The following BMERB1 variants were observed in gnomAD, a reference collection of about 807,000 sequenced individuals.
BMERB1 encodes the protein bMERB domain-containing protein 1.
BMERB1 carries 12 observed loss-of-function variants against 23.6 expected under a neutral mutation model. The observed-to-expected ratio is 0.51, with a 90% confidence interval of 0.33 to 0.82. BMERB1 has a LOEUF of 0.82. BMERB1 is among the 40% of genes least tolerant of loss of function. The pLI is 0.03. For synonymous variants in BMERB1, 122 were observed against 96.6 expected, an observed-to-expected ratio of 1.26 and a Z score of -1.54; for missense variants, 247 against 255.4, an observed-to-expected ratio of 0.97 and a Z score of 0.22.
intron 2 of BMERB1, among the ~76,000 whole-genome samples, chr16:15,544,009 A>G (rs1393034839): frequency 6.6e-6 from 1 of 152,168 alleles, no homozygotes; most frequent in African/African-American, 2.4e-5. Flanking sequence ...GAGAGAGTAC[A>G]TGTATCTGAC....
intron 4 of BMERB1, among the ~76,000 whole-genome samples, chr16:15,581,741 C>T (rs1473276445): frequency 6.6e-6 from 1 of 152,210 alleles, no homozygotes; most frequent in Non-Finnish European, 1.5e-5. Flanking sequence ...TCCCCTTTCC[C>T]TTCCCCTTAG....
intron 1 of BMERB1, among the ~76,000 whole-genome samples, chr16:15,462,892 G>A (rs1175456138): frequency 3.3e-5 from 5 of 152,104 alleles, no homozygotes; most frequent in Non-Finnish European, 7.3e-5. Flanking sequence ...TGTTGTCAAG[G>A]AAGTCCAACG....
chr16:15,479,828 C>G (rs926903883), intron 1 of BMERB1, among the ~76,000 whole-genome samples: 3 of 151,466 alleles, frequency 2.0e-5, no homozygotes, highest in African/African-American at 4.8e-5. Context: ...CACTTGTAAT[C>G]CCAGCATTTT....
intron 2 of BMERB1, among the ~76,000 whole-genome samples, chr16:15,544,869 G>C (rs1332997567): frequency 6.6e-6 from 1 of 152,178 alleles, no homozygotes; most frequent in Non-Finnish European, 1.5e-5. Flanking sequence ...CACTCTATCA[G>C]AGAATTACCT....
At chr16:15,449,786 T>G (rs954758451) in intron 1 of BMERB1, among the ~76,000 whole-genome samples, 12 of 152,088 alleles carry the variant, frequency 7.9e-5, no homozygotes, top group Admixed American at 6.6e-4. Flanking sequence ...CTTCAGGTGA[T>G]CCACCCATCT....
intron 1 of BMERB1, chr16:15,502,272 T>C: frequency 6.4e-7 from 1 of 1,550,696 alleles, no homozygotes. Flanking sequence ...AGAATAACAA[T>C]CATAGCCAGG....
At chr16:15,535,493 A>G (rs922532809) in intron 2 of BMERB1, among the ~76,000 whole-genome samples, 4 of 151,780 alleles carry the variant, frequency 2.6e-5, no homozygotes, top group African/African-American at 9.7e-5. Flanking sequence ...TAAAAATACA[A>G]AAAAAAATTA....
At chr16:15,556,891 G>A (rs1233684833) in intron 2 of BMERB1, among the ~76,000 whole-genome samples, 4 of 152,120 alleles carry the variant, frequency 2.6e-5, no homozygotes, top group Non-Finnish European at 4.4e-5. Flanking sequence ...GCCCAGACAT[G>A]ACATCTTTTT....
chr16:15,532,239 T>G (rs978142594), intron 2 of BMERB1, among the ~76,000 whole-genome samples: 2 of 150,074 alleles, frequency 1.3e-5, no homozygotes, highest in African/African-American at 2.5e-5. Flanking sequence ...TTGTTTTTTT[T>G]GTTTTTTTTT....
At chr16:15,561,900 CATA>C (rs1177686929) in intron 2 of BMERB1, among the ~76,000 whole-genome samples, 8 of 152,136 alleles carry the variant, frequency 5.3e-5, no homozygotes, top group South Asian at 2.1e-4. Context: ...CTCTAAAAAA[CATA>C]ATAATAGTAG....
intron 2 of BMERB1, among the ~76,000 whole-genome samples, chr16:15,539,268 A>T (rs1165646192): frequency 6.6e-6 from 1 of 151,872 alleles, no homozygotes; most frequent in Non-Finnish European, 1.5e-5. Flanking sequence ...TAGGGTTTGC[A>T]CTCCTATGAG....
At chr16:15,443,550 A>G (rs1364559379) in intron 1 of BMERB1, among the ~76,000 whole-genome samples, 1 of 152,094 alleles carries the variant, frequency 6.6e-6, no homozygotes, top group Non-Finnish European at 1.5e-5. Flanking sequence ...AAAAACAAAC[A>G]AACAAACAAA....
intron 2 of BMERB1, among the ~76,000 whole-genome samples, chr16:15,517,885 GTGTGTGTGTGGATC>G (rs1052256261): frequency 1.6e-5 from 2 of 124,858 alleles, no homozygotes; most frequent in African/African-American, 1.0e-4. Flanking sequence ...GTGTGTGGAT[GTGTGTGTGTGGATC>G]TGTGTGTGTG....
At chr16:15,582,591 C>T (rs1461219616) in intron 4 of BMERB1, among the ~76,000 whole-genome samples, 1 of 151,558 alleles carries the variant, frequency 6.6e-6, no homozygotes, top group Non-Finnish European at 1.5e-5. Flanking sequence ...TGGTGGAGTG[C>T]TCCTGTAGTC....
chr16:15,586,627 C>G, intron 5 of BMERB1, 90 bp from the exon 6 acceptor site: 2 of 1,077,888 alleles, frequency 1.9e-6, no homozygotes, highest in Non-Finnish European at 2.8e-6. Context: ...TGCAGTGGGG[C>G]TGGGCTGCAG....
At chr16:15,568,886 G>A (rs369999227) in intron 3 of BMERB1, among the ~76,000 whole-genome samples, 28 of 152,212 alleles carry the variant, frequency 1.8e-4, no homozygotes, top group African/African-American at 6.7e-4. Flanking sequence ...CCATCAGGCT[G>A]TGTTAGTTGC....
intron 1 of BMERB1, among the ~76,000 whole-genome samples, chr16:15,456,563 A>G (rs899100463): frequency 6.6e-6 from 1 of 151,672 alleles, no homozygotes; most frequent in Non-Finnish European, 1.5e-5. Context: ...GTTTCGAACT[A>G]CTGGCCTCAA....
chr16:15,579,519 G>A (rs1567506586), intron 3 of BMERB1, among the ~76,000 whole-genome samples: 1 of 152,152 alleles, frequency 6.6e-6, no homozygotes, highest in African/African-American at 2.4e-5. Flanking sequence ...TCCAGATCCA[G>A]AAAAAATGAT....
At chr16:15,446,372 G>A (rs569087492) in intron 1 of BMERB1, among the ~76,000 whole-genome samples, 24 of 152,296 alleles carry the variant, frequency 1.6e-4, no homozygotes, top group Non-Finnish European at 2.5e-4. Context: ...TCCAGCATGG[G>A]CAACAAAGTG....
Sources: gnomAD v4.1 joint callset for allele counts (sites outside exome capture counted in the v4.1 genomes callset) on GRCh38, gnomAD v4.1.1 for gene constraint, MANE v1.5 for transcripts, NCBI Gene and HGNC (gene_info 2026-07-23, HGNC 2026-07-21) for gene names.